Variants in GABRG3 observed in about 807,000 individuals in gnomAD.
GABRG3 encodes the protein gamma-aminobutyric acid type A receptor subunit gamma3.
Under a neutral mutation model 48.8 loss-of-function variants are expected in GABRG3, and 25 were observed. The ratio of observed to expected loss-of-function variants is 0.51; its 90% confidence interval spans 0.37 to 0.72. The LOEUF is 0.72. Ranked by LOEUF, GABRG3 falls within the 30% of genes least tolerant of loss-of-function variation. The pLI is 0.00. For missense variants in GABRG3, 394 were observed against 577.9 expected (o/e 0.68, Z 3.26); for synonymous variants, 227 against 217.6 (o/e 1.04, Z -0.38).
chr15:27,093,439 G>GT (rs1170953521), intron 3 of GABRG3, among the ~76,000 whole-genome samples: 3 of 152,118 alleles, frequency 2.0e-5, no homozygotes, highest in Non-Finnish European at 4.4e-5. Flanking sequence ...TCATGACATC[G>GT]TAAGTACTGT....
intron 5 of GABRG3, among the ~76,000 whole-genome samples, chr15:27,411,352 C>T (rs533620723): frequency 7.2e-5 from 11 of 152,212 alleles, no homozygotes; most frequent in South Asian, 6.2e-4. Flanking sequence ...ATTCTGCCCC[C>T]GCTACTTGTT....
intron 3 of GABRG3, among the ~76,000 whole-genome samples, chr15:27,295,604 G>T (rs1224813020): frequency 6.6e-6 from 1 of 152,144 alleles, no homozygotes; most frequent in African/African-American, 2.4e-5. Flanking sequence ...GCTATTTTAA[G>T]AGCATCTTCA....
In GABRG3 at chr15:27,236,216, C is replaced by T. The variant is rs1255304483; in HGVS notation, c.271-90593C>T. Reference sequence around the variant, plus strand: ...CATCTCAGGAGGAAGCCTGCTTATCCCTGTGGAGACTCTGATGTGCTCAGC... The same window carrying T: ...CATCTCAGGAGGAAGCCTGCTTATCTCTGTGGAGACTCTGATGTGCTCAGC... On this transcript the variant is annotated intron_variant, in intron 3 of 9. Coordinates refer to ENST00000615808, the MANE Select transcript of GABRG3 (RefSeq NM_033223.5). This position sits in a 1 kb window ranked among gnomAD's most constrained non-coding sequence, Gnocchi z 4.4. 6.6e-6 allele frequency among the ~76,000 whole-genome samples: 1 copy of T among 152,176 alleles called. No homozygotes were observed. Among genetic ancestry groups the T allele is most frequent in the Non-Finnish European group, 1.5e-5 (1 of 68,038 alleles).
intron 5 of GABRG3, among the ~76,000 whole-genome samples, chr15:27,407,051 G>A (rs79340218): frequency 8.6e-5 from 13 of 151,778 alleles, no homozygotes; most frequent in Non-Finnish European, 1.8e-4. Flanking sequence ...CCTCACCCTC[G>A]GGAGTAGCTG....
rs182525978 is a variant in GABRG3, at chr15:27,246,127, C to T, written c.271-80682C>T. ...GACCCAAACACCTCCCGCCAGGCCT[C>T]GTCTCCAACACTGCGGATCATATTT... On this transcript the variant is annotated intron_variant, in intron 3 of 9. Coordinates refer to ENST00000615808, the MANE Select transcript of GABRG3 (RefSeq NM_033223.5). Among the ~76,000 whole-genome samples the T allele has an allele frequency of 3.5e-3, 536 of 152,258 alleles. 4 individuals carry two copies. The highest frequency in any genetic ancestry group is 0.012 in the African/African-American group (507 of 41,564).
At chr15:27,209,616 T>G (rs906257684) in intron 3 of GABRG3, among the ~76,000 whole-genome samples, 1 of 152,162 alleles carries the variant, frequency 6.6e-6, no homozygotes, top group African/African-American at 2.4e-5. Context: ...CCTTGGGTGC[T>G]GGGCTGTGCC....
chr15:27,285,604 A>G (rs1386316380), intron 3 of GABRG3, among the ~76,000 whole-genome samples: 1 of 152,248 alleles, frequency 6.6e-6, no homozygotes, highest in Non-Finnish European at 1.5e-5. Flanking sequence ...AATATAAAAC[A>G]TCAAGTGATG....
At chr15:27,527,333 T>G (rs1891301142) in intron 7 of GABRG3, 100 bp from the exon 8 acceptor site, 2 of 1,049,556 alleles carry the variant, frequency 1.9e-6, no homozygotes, top group African/African-American at 3.2e-5. Flanking sequence ...CAGGGATTCC[T>G]GTAAGGCAGC....
chr15:27,436,116 G>A (rs567804558), intron 5 of GABRG3, among the ~76,000 whole-genome samples: 1 of 152,320 alleles, frequency 6.6e-6, no homozygotes, highest in Admixed American at 6.5e-5. Flanking sequence ...AGACTGGGGG[G>A]CTTAAACAAC....
rs140290713 is a variant in GABRG3 at position 26,998,022 on chromosome 15, T to G, written c.202+20872T>G. Among the ~76,000 whole-genome samples, 44 of 152,366 alleles carry G rather than the reference T, an allele frequency of 2.9e-4. 1 individual carries two copies. In the East Asian group the frequency reaches 8.5e-3, roughly 29 times the overall value. On this transcript the variant is annotated intron_variant, in intron 2 of 9. Transcript: ENST00000615808. ...CAATCTTTATTGATGTATTTGTGGC[T>G]TGGGAAATGTTTTCAGCCTACCTTG... is the stretch of plus-strand genomic sequence containing the variant.
chr15:27,487,480 C>A (rs1222747827), intron 6 of GABRG3, among the ~76,000 whole-genome samples: 1 of 152,196 alleles, frequency 6.6e-6, no homozygotes, highest in Non-Finnish European at 1.5e-5. Context: ...CAGCAGTCCA[C>A]ACAATATGTA....
intron 3 of GABRG3, among the ~76,000 whole-genome samples, chr15:27,310,573 C>T (rs1379334422): frequency 2.6e-5 from 4 of 152,112 alleles, no homozygotes; most frequent in Admixed American, 1.3e-4. Flanking sequence ...AGAGTCAATG[C>T]AACTCCTTAT....
At chr15:27,280,494 G>A (rs1441351643) in intron 3 of GABRG3, 1 of 152,066 alleles carries the variant, frequency 6.6e-6, no homozygotes, top group Non-Finnish European at 1.5e-5. Flanking sequence ...CACTGAGTTA[G>A]CTGCATCTCA....
intron 5 of GABRG3, among the ~76,000 whole-genome samples, chr15:27,376,514 C>A (rs1014243080): frequency 5.3e-5 from 8 of 152,232 alleles, no homozygotes; most frequent in African/African-American, 1.9e-4. Flanking sequence ...CATAGCTCTT[C>A]TAAAATCTAG....
intron 5 of GABRG3, among the ~76,000 whole-genome samples, chr15:27,461,664 A>C (rs564483738): frequency 6.6e-6 from 1 of 152,226 alleles, no homozygotes; most frequent in African/African-American, 2.4e-5. Flanking sequence ...GGTCCATTTT[A>C]CAGAGAGTGA....
At chr15:27,265,542 G>A (rs1278724001) in intron 3 of GABRG3, among the ~76,000 whole-genome samples, 3 of 152,024 alleles carry the variant, frequency 2.0e-5, no homozygotes, top group Non-Finnish European at 4.4e-5. Context: ...AGGTTCCCTG[G>A]GCTTCACATC....
intron 3 of GABRG3, among the ~76,000 whole-genome samples, chr15:27,224,595 C>G (rs1230105212): frequency 1.3e-5 from 2 of 152,156 alleles, no homozygotes; most frequent in Non-Finnish European, 2.9e-5. Context: ...TGCGAGTGGA[C>G]TGGATTTCAA....
At chr15:27,304,041 A>C (rs558300421) in intron 3 of GABRG3, among the ~76,000 whole-genome samples, 1 of 152,052 alleles carries the variant, frequency 6.6e-6, no homozygotes, top group African/African-American at 2.4e-5. Flanking sequence ...TACATCATCT[A>C]TTCATGATAA....
chr15:27,127,876 A>G (rs569502301), intron 3 of GABRG3, among the ~76,000 whole-genome samples: 1 of 152,310 alleles, frequency 6.6e-6, no homozygotes, highest in South Asian at 2.1e-4. Flanking sequence ...CCCCACTGGT[A>G]GGTGTGGAGG....
Sources: gnomAD v4.1 joint callset for allele counts (sites outside exome capture counted in the v4.1 genomes callset) on GRCh38, gnomAD v4.1.1 for gene constraint, Gnocchi (gnomAD v3.1) non-coding constraint, MANE v1.5 for transcripts, NCBI Gene and HGNC (gene_info 2026-07-23, HGNC 2026-07-21) for gene names.